The following HTR7 variants were observed in gnomAD, a reference collection of about 807,000 sequenced individuals.
HTR7 encodes the protein 5-hydroxytryptamine receptor 7.
Under a neutral mutation model 34.0 loss-of-function variants are expected in HTR7, and 16 were observed. The observed-to-expected ratio is 0.47, with a 90% CI of 0.32 to 0.71. The LOEUF (loss-of-function observed/expected upper bound fraction) is 0.71. HTR7 is among the 30% of genes least tolerant of loss of function. The pLI is 0.04. For missense variants in HTR7, 504 were observed against 625.5 expected, an observed-to-expected ratio of 0.81 and a Z score of 2.07; for synonymous variants, 265 against 260.2, an observed-to-expected ratio of 1.02 and a Z score of -0.18.
intron 1 of HTR7, among the ~76,000 whole-genome samples, chr10:90,837,408 C>T (rs1183786647): frequency 6.6e-6 from 1 of 152,184 alleles, no homozygotes; most frequent in Non-Finnish European, 1.5e-5. Context: ...GTGTTGGAAA[C>T]TTAATCCCTC....
chr10:90,753,635 G>A (rs893217349), intron 1 of HTR7, among the ~76,000 whole-genome samples: 3 of 151,946 alleles, frequency 2.0e-5, no homozygotes, highest in Non-Finnish European at 4.4e-5. Context: ...GAAGATAATT[G>A]TACAAATGCA....
chr10:90,838,897 ATG>A (rs551274919), intron 1 of HTR7, among the ~76,000 whole-genome samples: 22 of 152,156 alleles, frequency 1.4e-4, no homozygotes, highest in East Asian at 3.9e-4. Flanking sequence ...TAACAAATTA[ATG>A]TGTGTGTGTG....
At chr10:90,744,678 T>C (rs966671227) in intron 2 of HTR7, among the ~76,000 whole-genome samples, 1 of 151,986 alleles carries the variant, frequency 6.6e-6, no homozygotes, top group Non-Finnish European at 1.5e-5. Context: ...CCCAGACTTG[T>C]GACAACCAAA....
intron 1 of HTR7, among the ~76,000 whole-genome samples, chr10:90,841,718 G>C (rs1225157248): frequency 6.6e-6 from 1 of 152,200 alleles, no homozygotes; most frequent in African/African-American, 2.4e-5. Flanking sequence ...AGACCCTGCT[G>C]GCCGGGCGTG....
At chr10:90,796,382 A>G (rs929495211) in intron 1 of HTR7, among the ~76,000 whole-genome samples, 3 of 152,262 alleles carry the variant, frequency 2.0e-5, no homozygotes, top group African/African-American at 7.2e-5. Flanking sequence ...TGTTTAAATA[A>G]CAAAAGGTTG....
At chr10:90,818,186 G>T (rs1027173345) in intron 1 of HTR7, among the ~76,000 whole-genome samples, 9 of 152,170 alleles carry the variant, frequency 5.9e-5, no homozygotes, top group African/African-American at 2.2e-4. Context: ...GGGTCATTGA[G>T]GGCCCTGCCT....
intron 1 of HTR7, among the ~76,000 whole-genome samples, chr10:90,795,605 T>C (rs1270843502): frequency 6.6e-6 from 1 of 152,202 alleles, no homozygotes; most frequent in African/African-American, 2.4e-5. Flanking sequence ...TAGCATAAAG[T>C]TGTAAACCCA....
At chr10:90,757,289 G>A (rs547010219) in intron 1 of HTR7, among the ~76,000 whole-genome samples, 9 of 152,128 alleles carry the variant, frequency 5.9e-5, no homozygotes, top group Non-Finnish European at 7.3e-5. Context: ...AATCAAGAGG[G>A]TGAGAAGACA....
intron 1 of HTR7, among the ~76,000 whole-genome samples, chr10:90,782,123 A>G (rs1286773578): frequency 6.6e-6 from 1 of 152,148 alleles, no homozygotes; most frequent in African/African-American, 2.4e-5. Context: ...ACCCTAGCAG[A>G]GTTCATGGCA....
chr10:90,746,049 G>C (rs1844628171), intron 2 of HTR7, among the ~76,000 whole-genome samples: 1 of 152,152 alleles, frequency 6.6e-6, no homozygotes, highest in Non-Finnish European at 1.5e-5. Context: ...AAGCACTTTT[G>C]AACACAGATG....
At chr10:90,807,883 C>T (rs1404833684) in intron 1 of HTR7, among the ~76,000 whole-genome samples, 2 of 152,214 alleles carry the variant, frequency 1.3e-5, no homozygotes, top group African/African-American at 2.4e-5. Context: ...AATTTTAAAT[C>T]GAGTAAGCGG....
chr10:90,851,252 A>G (rs1846494020), intron 1 of HTR7, among the ~76,000 whole-genome samples: 1 of 152,226 alleles, frequency 6.6e-6, no homozygotes, highest in South Asian at 2.1e-4. Context: ...ACAATGTTTT[A>G]AAGTTCTGGG....
intron 1 of HTR7, among the ~76,000 whole-genome samples, chr10:90,844,406 T>C (rs1026094152): frequency 6.6e-6 from 1 of 152,126 alleles, no homozygotes; most frequent in Non-Finnish European, 1.5e-5. Flanking sequence ...TTGGGAACCA[T>C]GGATATAATC....
At position 90,857,114 on chromosome 10, in the gene HTR7, G is replaced by C. The variant is rs1236374683; in HGVS notation, c.539+19C>G. 5 of 1,525,210 alleles carry C rather than the reference G, an allele frequency of 3.3e-6. No homozygotes were observed. The highest frequency in any genetic ancestry group is 2.5e-5 in the South Asian group (2 of 78,496). The allele number at this position is 1,525,210 out of a possible 1,614,324, so 94.5% of individuals were successfully genotyped here. On this transcript the variant is annotated intron_variant, in intron 1 of 3. Coordinates refer to ENST00000336152, the MANE Select transcript of HTR7 (RefSeq NM_019859.4). The surrounding 1 kb of genome is among the most constrained non-coding windows in gnomAD (Gnocchi z 6.5). ...CCGGTCCCCAGCCGGAGCCTGGGAC[G>C]GGGCGGTCCGGCCCTTACCTGTCAA...
chr10:90,804,972 T>G (rs1362051290), intron 1 of HTR7, among the ~76,000 whole-genome samples: 1 of 152,214 alleles, frequency 6.6e-6, no homozygotes, highest in Admixed American at 6.5e-5. Context: ...AATTTTGTTT[T>G]TCCTTATGAA....
At chr10:90,773,357 AT>A (rs1486933860) in intron 1 of HTR7, among the ~76,000 whole-genome samples, 1 of 152,100 alleles carries the variant, frequency 6.6e-6, no homozygotes. Flanking sequence ...AGGTGTATAT[AT>A]TTATGAGGTA....
chr10:90,806,787 A>G lies in HTR7; in HGVS notation c.539+50346T>C, dbSNP rs118161973. On this transcript the variant is annotated intron_variant, in intron 1 of 3. Transcript: ENST00000336152. ...TCCCTTGGTTATTGTTATCTATAAT[A>G]GCTAAAACAAAAGTAAAAGAGTGTG... Among the ~76,000 whole-genome samples the G allele has an allele frequency of 6.6e-4, 101 of 152,308 alleles. 1 individual carries two copies. The East Asian group carries it at 0.018, about 27-fold the overall frequency.
intron 1 of HTR7, among the ~76,000 whole-genome samples, chr10:90,824,255 C>T (rs1004961059): frequency 1.3e-5 from 2 of 152,242 alleles, no homozygotes; most frequent in African/African-American, 4.8e-5. Context: ...GATGACATTT[C>T]CAGACACACA....
intron 1 of HTR7, among the ~76,000 whole-genome samples, chr10:90,791,108 T>C (rs1845453497): frequency 6.6e-6 from 1 of 152,046 alleles, no homozygotes; most frequent in African/African-American, 2.4e-5. Context: ...CAGAAAACTT[T>C]GTCCTAAGCC....
Sources: gnomAD v4.1 joint callset for allele counts (sites outside exome capture counted in the v4.1 genomes callset) on GRCh38, gnomAD v4.1.1 for gene constraint, Gnocchi (gnomAD v3.1) non-coding constraint, MANE v1.5 for transcripts, NCBI Gene and HGNC (gene_info 2026-07-23, HGNC 2026-07-21) for gene names.